The following TP53I13 variants were observed in gnomAD, a reference collection of about 807,000 sequenced individuals.
TP53I13 encodes tumor protein p53-inducible protein 13.
A neutral mutation model predicts 39.1 loss-of-function variants in TP53I13; 27 were observed. The ratio of observed to expected loss-of-function variants is 0.69; its 90% confidence interval spans 0.51 to 0.95. The LOEUF (loss-of-function observed/expected upper bound fraction) is 0.95. TP53I13 is among the 40% of genes least tolerant of loss of function. The pLI is 0.00. For synonymous variants in TP53I13, 230 were observed against 224.6 expected (o/e 1.02, Z -0.22); for missense variants, 544 against 520.4 (o/e 1.05, Z -0.44).
chr17:29,567,133 G>T, upstream of TP53I13: 1 of 348,788 alleles, frequency 2.9e-6, no homozygotes, highest in African/African-American at 2.2e-5. This position sits in a 1 kb window ranked among gnomAD's most constrained non-coding sequence, Gnocchi z 6.6. Flanking sequence ...GTTCGGGCCC[G>T]GCTGCCCTCG....
downstream of TP53I13, chr17:29,573,197 C>T (rs898599688): frequency 5.8e-6 from 2 of 342,126 alleles, no homozygotes; most frequent in Non-Finnish European, 1.1e-5. Context: ...ACAGAGACTC[C>T]CACCCGGACC....
chr17:29,576,851 T>G, downstream of TP53I13: 1 of 1,576,618 alleles, frequency 6.3e-7, no homozygotes, highest in Non-Finnish European at 8.6e-7. Flanking sequence ...GGAAGGAGGG[T>G]GGGACTCAGA....
Position 29,572,526 on chromosome 17 carries a change from G to A in TP53I13, c.898G>A (p.Ala300Thr). ...APRAAAPPRA[A>T]RGPTPRTEEA... The stretch of plus-strand genomic sequence containing the variant: ...TCGCGCAGCAGCGCCTCCACGGGCA[G>A]CCCGGGGCCCCACCCCACGCACTGA... The change falls in exon 6 of 7, where the codon GCC becomes ACC. Residue 300 changes from alanine (A) to threonine (T), a missense_variant. Ala to Thr is a moderately conservative substitution (Grantham distance 58). Coordinates refer to ENST00000301057, the MANE Select transcript of TP53I13 (RefSeq NM_138349.4). 6.2e-7 allele frequency: 1 copy of A among 1,608,462 alleles called. No homozygotes were observed. The highest frequency in any genetic ancestry group is 8.5e-7 in the Non-Finnish European group (1 of 1,178,052).
downstream of TP53I13, chr17:29,576,408 G>C (rs1235167694): frequency 2.4e-5 from 39 of 1,613,064 alleles, no homozygotes; most frequent in Non-Finnish European, 3.0e-5. Flanking sequence ...ACCGGCCCTG[G>C]AGGCTGCCGG....
Position 29,568,744 on chromosome 17 carries a change from C to T in TP53I13, c.-15C>T. The T allele has an allele frequency of 1.3e-6, 2 of 1,558,468 alleles. No individual in the cohort carries two copies. The highest frequency in any genetic ancestry group is 1.1e-5 in the South Asian group (1 of 87,026). On this transcript the variant is annotated 5_prime_UTR_variant, in exon 1 of 7. Coordinates refer to ENST00000301057, the MANE Select transcript of TP53I13 (RefSeq NM_138349.4). This position sits in a 1 kb window ranked among gnomAD's most constrained non-coding sequence, Gnocchi z 4.5. Reference sequence around the variant, plus strand: ...GGAGCGGCTGGGCGGCGGGCCGGGCCCGGGGCCGCTTGGAATGGCGCCTCC... The same window carrying T: ...GGAGCGGCTGGGCGGCGGGCCGGGCTCGGGGCCGCTTGGAATGGCGCCTCC...
chr17:29,580,685 A>AG, the TP53I13 span, among the ~76,000 whole-genome samples: 1 of 152,194 alleles, frequency 6.6e-6, no homozygotes, highest in Non-Finnish European at 1.5e-5. Flanking sequence ...AGCGAAGAGC[A>AG]GAGGCTTCTC....
downstream of TP53I13, chr17:29,577,834 C>T: frequency 6.4e-6 from 5 of 778,312 alleles, no homozygotes; most frequent in Non-Finnish European, 1.1e-5. Flanking sequence ...CCTAGCTGCC[C>T]CCACGCCTAC....
At chr17:29,568,661 C>A (rs1246076864), upstream of TP53I13, 3 of 783,458 alleles carry the variant, frequency 3.8e-6, no homozygotes, top group Non-Finnish European at 4.5e-6. The surrounding 1 kb of genome is among the most constrained non-coding windows in gnomAD (Gnocchi z 4.5). Flanking sequence ...GCGGGCGGCG[C>A]GGGCGGCGCG....
chr17:29,566,644 G>C (rs997562937), upstream of TP53I13: 1 of 1,605,922 alleles, frequency 6.2e-7, no homozygotes, highest in East Asian at 2.2e-5. Context: ...GTGGCAGAGG[G>C]TCTGCAGGTG....
chr17:29,578,632 A>G, the TP53I13 span: 1 of 1,129,994 alleles, frequency 8.8e-7, no homozygotes, highest in African/African-American at 1.5e-5. Context: ...AAGACTTGGA[A>G]AAGGTCATCG....
chr17:29,576,678 CAG>C (rs1490201878), downstream of TP53I13: 7 of 1,613,728 alleles, frequency 4.3e-6, no homozygotes, highest in Admixed American at 3.3e-5. Context: ...CCATGCTCTG[CAG>C]AGAGAGACCT....
downstream of TP53I13, chr17:29,577,557 G>A: frequency 1.1e-6 from 1 of 876,542 alleles, no homozygotes; most frequent in Non-Finnish European, 1.9e-6. Context: ...ATGCTGGAGA[G>A]CTGGCTCAGG....
At position 29,572,869 on chromosome 17, in the gene TP53I13, G is replaced by A; in HGVS notation, c.1127G>A (p.Arg376Lys). 1 of 1,522,998 alleles carries A rather than the reference G, an allele frequency of 6.6e-7. No homozygotes were observed. Among genetic ancestry groups the A allele is most frequent in the Admixed American group, 2.0e-5 (1 of 50,104 alleles). 94.3% of individuals were successfully genotyped at this position (1,522,998 alleles called of 1,614,324 possible). A position where few individuals can be genotyped will look rare whatever the true frequency, so the allele number is the denominator to read the frequency against. The part of the protein sequence containing the change: ...PSRRVKRSRR[R>K]PLLPPTPDSG... ...CGCCGGGTCAAGCGCTCGCGCCGGA[G>A]ACCCCTCCTCCCGCCCACGCCGGAC... The change falls in exon 7 of 7, where the codon AGA (arginine) becomes AAA (lysine). Residue 376 changes from arginine (R) to lysine (K), a missense_variant. Coordinates refer to ENST00000301057, the MANE Select transcript of TP53I13 (RefSeq NM_138349.4).
downstream of TP53I13, chr17:29,576,830 A>G (rs2033222895): frequency 6.3e-7 from 1 of 1,578,552 alleles, no homozygotes; most frequent in Admixed American, 1.9e-5. Context: ...GGGTCAGGGC[A>G]CAGGGGAGTG....
the TP53I13 span, chr17:29,578,873 C>T: frequency 1.3e-5 from 20 of 1,554,838 alleles, no homozygotes; most frequent in Middle Eastern, 1.7e-4. Context: ...GCAGGGATCC[C>T]GGGGAGATGG....
the TP53I13 span, chr17:29,581,479 G>C: frequency 1.0e-6 from 1 of 998,410 alleles, no homozygotes; most frequent in East Asian, 2.4e-5. The surrounding 1 kb of genome is among the most constrained non-coding windows in gnomAD (Gnocchi z 4.8). Context: ...GCACCCAGAA[G>C]TGTCAGGGGA....
Position 29,572,586 on chromosome 17 carries a change from C to G in TP53I13, c.958C>G (p.Leu320Val), listed in dbSNP as rs374123887. Residue 320 changes from leucine (L) to valine (V), a missense_variant, in exon 6 of 7, where the codon CTG (leucine) becomes GTG (valine). Leu to Val is a conservative substitution (Grantham distance 32). Transcript: ENST00000301057. ...AAWAAMALTF[L>V]LVLLTLATLC... ...CTGGGCTGCCATGGCCCTGACCTTC[C>G]TGCTGGTGCTGCTCACCCTGGCCAC... The G allele has an allele frequency of 1.3e-4, 210 of 1,593,538 alleles. No homozygotes were observed. Among genetic ancestry groups the G allele is most frequent in the Non-Finnish European group, 1.7e-4 (196 of 1,170,878 alleles).
the TP53I13 span, chr17:29,581,499 G>A: frequency 8.2e-6 from 7 of 849,110 alleles, no homozygotes; most frequent in South Asian, 2.8e-5. This position sits in a 1 kb window ranked among gnomAD's most constrained non-coding sequence, Gnocchi z 4.8. Flanking sequence ...AAAGTGGGGA[G>A]GGCAGGCCAC....
chr17:29,570,707 A>T (rs2032891585), intron 3 of TP53I13: 1 of 151,868 alleles, frequency 6.6e-6, no homozygotes, highest in Admixed American at 6.6e-5. Flanking sequence ...GCTTCGTCTG[A>T]CCTCTCCACA....
Sources: gnomAD v4.1 joint callset for allele counts (sites outside exome capture counted in the v4.1 genomes callset) on GRCh38, gnomAD v4.1.1 for gene constraint, Gnocchi (gnomAD v3.1) non-coding constraint, MANE v1.5 for transcripts, NCBI Gene and HGNC (gene_info 2026-07-23, HGNC 2026-07-21) for gene names.